The following BMPER variants were observed in gnomAD, a reference collection of about 807,000 sequenced individuals.
BMPER encodes the protein BMP-binding endothelial regulator protein.
A neutral mutation model predicts 87.3 loss-of-function variants in BMPER; 45 were observed. That is an observed-to-expected ratio of 0.52 (90% confidence interval 0.41 to 0.66). The LOEUF (loss-of-function observed/expected upper bound fraction) is 0.66. Ranked by LOEUF, BMPER falls within the 30% of genes least tolerant of loss-of-function variation. The pLI, the probability that BMPER is intolerant of heterozygous loss-of-function variation, is 0.00. For missense variants in BMPER, 784 were observed against 867.5 expected, an observed-to-expected ratio of 0.90 and a Z score of 1.21; for synonymous variants, 326 against 316.2, an observed-to-expected ratio of 1.03 and a Z score of -0.33.
Position 33,968,918 on chromosome 7 carries a change from C to A in BMPER, c.403-1411C>A, listed in dbSNP as rs113233299. ...AATCCTCCATCTGGATTGCAGATACCAAAGAAAAATTGGTTTGGGGCCATG... is the reference window on the plus strand; with the variant it reads ...AATCCTCCATCTGGATTGCAGATACAAAAGAAAAATTGGTTTGGGGCCATG... On this transcript the variant is annotated intron_variant, in intron 4 of 14. Coordinates refer to ENST00000649409, the MANE Select transcript of BMPER (RefSeq NM_001365308.1). 7.1e-3 allele frequency among the ~76,000 whole-genome samples: 1,087 copies of A among 152,202 alleles called. 13 individuals carry two copies. Among genetic ancestry groups the A allele is most frequent in the Non-Finnish European group, 9.5e-3 (646 of 68,008 alleles).
intron 2 of BMPER, among the ~76,000 whole-genome samples, 175 bp downstream of exon 2, chr7:33,907,078 G>T (rs1025632731): frequency 1.3e-5 from 2 of 151,768 alleles, no homozygotes; most frequent in Admixed American, 1.3e-4. Flanking sequence ...ATGGACTTTG[G>T]CAATTTCCAT....
chr7:34,106,712 C>T (rs1221766813), intron 13 of BMPER, among the ~76,000 whole-genome samples: 2 of 152,204 alleles, frequency 1.3e-5, no homozygotes, highest in Non-Finnish European at 2.9e-5. Flanking sequence ...ACTGGCAAGA[C>T]AAAATTCCAA....
chr7:34,151,489 G>A (rs1791174624), intron 14 of BMPER, among the ~76,000 whole-genome samples: 2 of 152,210 alleles, frequency 1.3e-5, no homozygotes, highest in Admixed American at 6.5e-5. Flanking sequence ...TTTTGAATAG[G>A]AAGTTACCTT....
At chr7:34,084,566 C>G (rs994798512) in intron 12 of BMPER, among the ~76,000 whole-genome samples, 14 of 152,208 alleles carry the variant, frequency 9.2e-5, no homozygotes, top group African/African-American at 3.4e-4. Context: ...TAAGAAAACA[C>G]ACATTTGAGA....
At chr7:34,117,919 A>G (rs1404634573) in intron 13 of BMPER, among the ~76,000 whole-genome samples, 1 of 152,216 alleles carries the variant, frequency 6.6e-6, no homozygotes, top group Non-Finnish European at 1.5e-5. Context: ...ACCTCTGAAA[A>G]TCCCTGAGAA....
intron 14 of BMPER, among the ~76,000 whole-genome samples, chr7:34,149,883 T>C (rs1791128187): frequency 6.6e-6 from 1 of 152,150 alleles, no homozygotes; most frequent in South Asian, 2.1e-4. Flanking sequence ...AAAATGACTG[T>C]AAATTCTTCC....
rs576254863 is a variant in BMPER at position 34,125,669 on chromosome 7, G to C, written c.1746-17561G>C. On this transcript the variant is annotated intron_variant, in intron 13 of 14. Transcript: ENST00000649409. ...TGTAAATTGCTCCCAGCATGACAGA[G>C]AGAAATAAGCACATCCTTTCTTAGT... is the stretch of plus-strand genomic sequence containing the variant. 9.8e-5 allele frequency among the ~76,000 whole-genome samples: 15 copies of C among 152,312 alleles called. No individual in the cohort carries two copies. In the East Asian group the frequency reaches 2.9e-3, roughly 29 times the overall value.
chr7:33,939,998 A>G lies in BMPER; in HGVS notation c.319+2610A>G, dbSNP rs1029256155. ...GGGACACAGTCCTGTTCACTCTTAA[A>G]TACTGGAGACTCCCAGTATTTTGGT... On this transcript the variant is annotated intron_variant, in intron 3 of 14. Coordinates refer to ENST00000649409, the MANE Select transcript of BMPER (RefSeq NM_001365308.1). The G allele has an allele frequency of 1.8e-5, 5 of 281,228 alleles. No homozygotes were observed. In the East Asian group the frequency reaches 4.7e-4, roughly 27 times the overall value. The allele number at this position is 281,228 out of a possible 1,614,324, so 17.4% of individuals were successfully genotyped here.
intron 2 of BMPER, among the ~76,000 whole-genome samples, chr7:33,908,334 T>A (rs1322924292): frequency 6.6e-6 from 1 of 152,228 alleles, no homozygotes; most frequent in Non-Finnish European, 1.5e-5. Context: ...GAGCTTTGCA[T>A]ATAAATATAT....
chr7:34,097,518 T>C (rs1789559963), intron 13 of BMPER, among the ~76,000 whole-genome samples: 1 of 152,160 alleles, frequency 6.6e-6, no homozygotes, highest in Admixed American at 6.6e-5. Flanking sequence ...TCTCAAGTAG[T>C]TTGTTATACC....
chr7:33,951,320 T>A (rs1438501135), intron 3 of BMPER, among the ~76,000 whole-genome samples: 1 of 152,164 alleles, frequency 6.6e-6, no homozygotes, highest in East Asian at 1.9e-4. Flanking sequence ...AGTGCTGGGA[T>A]AACAGGTGTG....
chr7:34,086,643 C>T (rs1434807864), intron 13 of BMPER, among the ~76,000 whole-genome samples: 1 of 152,172 alleles, frequency 6.6e-6, no homozygotes, highest in African/African-American at 2.4e-5. Context: ...CGTCTAGAGT[C>T]AGATGACAGT....
intron 7 of BMPER, among the ~76,000 whole-genome samples, chr7:34,051,509 T>C (rs1407456533): frequency 6.6e-6 from 1 of 152,196 alleles, no homozygotes; most frequent in Non-Finnish European, 1.5e-5. Flanking sequence ...TTCCAGAACT[T>C]ACCTTACTGT....
chr7:34,123,372 C>T (rs1157665962), intron 13 of BMPER, among the ~76,000 whole-genome samples: 1 of 152,152 alleles, frequency 6.6e-6, no homozygotes, highest in Non-Finnish European at 1.5e-5. Flanking sequence ...GATCATGAAT[C>T]AAGGACTCCT....
chr7:33,989,534 G>A (rs1316517636), intron 6 of BMPER, among the ~76,000 whole-genome samples: 2 of 152,130 alleles, frequency 1.3e-5, no homozygotes, highest in African/African-American at 4.8e-5. Context: ...CAGATGAGTA[G>A]GTTGCGAAAT....
In BMPER at chr7:34,022,752, T is replaced by C. The variant is rs530657353; in HGVS notation, c.577-23554T>C. On this transcript the variant is annotated intron_variant, in intron 6 of 14. Coordinates refer to ENST00000649409, the MANE Select transcript of BMPER (RefSeq NM_001365308.1). The stretch of plus-strand genomic sequence containing the variant: ...AAGAGGAGAAGAGGCAGAAAAGTAT[T>C]TATCATATTGGCAATATGCTCAAGC... 5.3e-5 allele frequency among the ~76,000 whole-genome samples: 8 copies of C among 151,848 alleles called. No homozygotes were observed. In the South Asian group the frequency reaches 1.7e-3, roughly 32 times the overall value.
At position 34,062,191 on chromosome 7, in the gene BMPER, C is replaced by G. The variant is rs1788455506; in HGVS notation, c.1078+144C>G. 5 of 700,904 alleles carry G rather than the reference C, an allele frequency of 7.1e-6. No homozygotes were observed. In the South Asian group the frequency reaches 9.1e-5, roughly 13 times the overall value. The allele number at this position is 700,904 out of a possible 1,614,324, so 43.4% of individuals were successfully genotyped here. A position where few individuals can be genotyped will look rare whatever the true frequency, so the allele number is the denominator to read the frequency against. On this transcript the variant is annotated intron_variant, in intron 11 of 14. Coordinates refer to ENST00000649409, the MANE Select transcript of BMPER (RefSeq NM_001365308.1). The stretch of plus-strand genomic sequence containing the variant: ...GGATCATCTCACCTCCCTACAGTCA[C>G]TTTAAGTCAATTGTAATTCTCCCAC...
chr7:33,983,324 T>G (rs113368700), intron 6 of BMPER, among the ~76,000 whole-genome samples: 1 of 152,306 alleles, frequency 6.6e-6, no homozygotes, highest in African/African-American at 2.4e-5. Flanking sequence ...GCTATTTTTC[T>G]ACACAGGGAG....
intron 2 of BMPER, among the ~76,000 whole-genome samples, chr7:33,931,812 G>A (rs1220604283): frequency 6.6e-6 from 1 of 152,214 alleles, no homozygotes; most frequent in African/African-American, 2.4e-5. Context: ...CCACTATTGT[G>A]TAAGTTCTCA....
Sources: allele counts gnomAD v4.1 joint callset (sites outside exome capture counted in the v4.1 genomes callset), GRCh38; gene constraint gnomAD v4.1.1; transcripts MANE v1.5; gene names NCBI Gene and HGNC (gene_info 2026-07-23, HGNC 2026-07-21).